HYDIN: variants seen among roughly 807,000 people sequenced by gnomAD.
HYDIN encodes the protein HYDIN axonemal central pair apparatus protein.
HYDIN carries 132 observed loss-of-function variants against 403.9 expected under a neutral mutation model. The observed-to-expected ratio is 0.33, with a 90% CI of 0.28 to 0.38. The LOEUF (loss-of-function observed/expected upper bound fraction) is 0.38, where lower values mean the gene tolerates loss of function less well. Ranked by LOEUF, HYDIN falls within the 10% of genes least tolerant of loss-of-function variation. The pLI is 1.00. For synonymous variants in HYDIN, 1,202 were observed against 1,891.7 expected, an observed-to-expected ratio of 0.64 and a Z score of 9.46; for missense variants, 2,827 against 5,009.5, an observed-to-expected ratio of 0.56 and a Z score of 13.15.
intron 53 of HYDIN, among the ~76,000 whole-genome samples, chr16:70,899,333 AT>A (rs764466893): frequency 2.4e-4 from 36 of 149,084 alleles, no homozygotes; most frequent in Admixed American, 8.1e-4. Flanking sequence ...CTTAAATCCA[AT>A]GATAAATATT....
intron 15 of HYDIN, chr16:71,066,996 G>T: frequency 1.5e-6 from 1 of 663,730 alleles, no homozygotes; most frequent in Non-Finnish European, 2.7e-6. Context: ...AAACCTTTCT[G>T]GTTACATACT....
In HYDIN at chr16:70,887,282, G is replaced by T. The variant is rs535578693; in HGVS notation, c.9774+2305C>A. Among the ~76,000 whole-genome samples, 5 of 152,292 alleles carry T rather than the reference G, an allele frequency of 3.3e-5. No individual in the cohort carries two copies. In the South Asian group the frequency reaches 1.0e-3, roughly 32 times the overall value. On this transcript the variant is annotated intron_variant, in intron 58 of 85. Coordinates refer to ENST00000393567, the MANE Select transcript of HYDIN (RefSeq NM_001270974.2). ...TACATTAAGAACCTTGAGATGAGGA[G>T]ATTATTCTGGATTATAATGGGCCCA...
At chr16:70,889,932 T>C (rs1392721470) in intron 57 of HYDIN, among the ~76,000 whole-genome samples, 1 of 152,250 alleles carries the variant, frequency 6.6e-6, no homozygotes, top group Admixed American at 6.5e-5. Flanking sequence ...ATATGATTTA[T>C]AGGGACACCG....
intron 44 of HYDIN, among the ~76,000 whole-genome samples, chr16:70,937,155 T>C (rs1364508504): frequency 1.3e-4 from 19 of 151,270 alleles, no homozygotes; most frequent in South Asian, 2.1e-4. Flanking sequence ...TGTGTGTGTG[T>C]GCGCGTGTGT....
At chr16:71,062,424 G>A in intron 16 of HYDIN, 91 bp from the exon 17 acceptor site, 1 of 1,080,756 alleles carries the variant, frequency 9.3e-7, no homozygotes, top group Non-Finnish European at 1.3e-6. Flanking sequence ...TGAGTCCGTA[G>A]AGGTGTTTTA....
At position 70,805,769 on chromosome 16, in the gene HYDIN, G is replaced by A. The variant is rs1382508456; in HGVS notation, c.*1811C>T. On this transcript the variant is annotated 3_prime_UTR_variant, in exon 86 of 86. Transcript: ENST00000393567. ...AGACCTATCAGTAGTGTCTTTAGAG[G>A]TTATAGAAATAAATTGTCTATTGAG... Among the ~76,000 whole-genome samples, 3 of 152,156 alleles carry A rather than the reference G, an allele frequency of 2.0e-5. No homozygotes were observed. The highest frequency in any genetic ancestry group is 4.8e-5 in the African/African-American group (2 of 41,422).
intron 18 of HYDIN, among the ~76,000 whole-genome samples, chr16:71,049,452 G>A (rs2081563677): frequency 6.6e-6 from 1 of 152,078 alleles, no homozygotes; most frequent in Admixed American, 6.6e-5. Context: ...CCCCATGGGA[G>A]GAGAAGCCCA....
At position 71,067,307 on chromosome 16, in the gene HYDIN, C is replaced by T. The variant is rs561667551; in HGVS notation, c.2058G>A (p.Ala686=). 1.5e-3 allele frequency: 2,435 copies of T among 1,611,304 alleles called. 66 individuals are homozygous for T. In the South Asian group the frequency reaches 0.025, roughly 17 times the overall value. ...DVEGIGEEVL[A]LLITARCVVP... ...AGCAATACCTTGCTGTAATTAAGAG[C>T]GCCAGCACCTCTTCTCCGATGCCCT... is the stretch of plus-strand genomic sequence containing the variant. Residue 686 remains alanine (A), a synonymous_variant, in exon 15 of 86, where the codon GCG becomes GCA. Coordinates refer to ENST00000393567, the MANE Select transcript of HYDIN (RefSeq NM_001270974.2).
intron 40 of HYDIN, among the ~76,000 whole-genome samples, chr16:70,954,486 AAAC>A (rs1370608929): frequency 1.3e-5 from 2 of 151,678 alleles, no homozygotes; most frequent in Admixed American, 1.3e-4. Context: ...GAAAGAAAGA[AAAC>A]AACCCCCCTC....
chr16:71,077,525 G>A (rs1597723861), intron 13 of HYDIN, among the ~76,000 whole-genome samples: 1 of 152,020 alleles, frequency 6.6e-6, no homozygotes, highest in African/African-American at 2.4e-5. Flanking sequence ...TCTAGGTAGA[G>A]AATAATACAT....
chr16:70,869,902 TTC>T (rs1313961031), intron 65 of HYDIN, among the ~76,000 whole-genome samples: 1 of 151,654 alleles, frequency 6.6e-6, no homozygotes, highest in African/African-American at 2.4e-5. Context: ...AGTTTGGAAC[TTC>T]TTAGAGACTT....
At chr16:70,960,918 CCT>C (rs2143950571) in intron 38 of HYDIN, among the ~76,000 whole-genome samples, 1 of 152,348 alleles carries the variant, frequency 6.6e-6, no homozygotes, top group South Asian at 2.1e-4. Context: ...GTCTCGAACT[CCT>C]GACCTCATGA....
chr16:70,822,046 T>C (rs1277292157), intron 83 of HYDIN, among the ~76,000 whole-genome samples: 4 of 152,232 alleles, frequency 2.6e-5, no homozygotes, highest in Admixed American at 6.5e-5. Context: ...AGCCCACAGA[T>C]GAAGGAGTCA....
At chr16:71,010,637 C>G (rs959825269) in intron 23 of HYDIN, among the ~76,000 whole-genome samples, 2 of 152,106 alleles carry the variant, frequency 1.3e-5, no homozygotes, top group Non-Finnish European at 2.9e-5. Context: ...AGCCACCCAG[C>G]AGGGTCACAT....
chr16:70,933,182 A>C (rs1358918723), intron 45 of HYDIN, among the ~76,000 whole-genome samples: 1 of 152,118 alleles, frequency 6.6e-6, no homozygotes, highest in Non-Finnish European at 1.5e-5. Context: ...ATGGGGAAGA[A>C]AGGAGAGCCC....
intron 1 of HYDIN, among the ~76,000 whole-genome samples, chr16:71,208,807 A>C (rs1247871463): frequency 2.6e-5 from 4 of 152,190 alleles, no homozygotes; most frequent in African/African-American, 7.2e-5. Context: ...GAAATGGATA[A>C]ATTTCTGGAT....
intron 11 of HYDIN, among the ~76,000 whole-genome samples, chr16:71,089,955 GGTCTGA>G (rs1271838764): frequency 8.0e-6 from 1 of 125,504 alleles, no homozygotes; most frequent in Admixed American, 8.8e-5. Context: ...AAGGGAATGG[GGTCTGA>G]GTGGAGGCAG....
intron 1 of HYDIN, among the ~76,000 whole-genome samples, chr16:71,227,881 A>G (rs150186285): frequency 0.03 from 4,638 of 152,072 alleles, 85 homozygotes; most frequent in Middle Eastern, 0.051. Context: ...GAACAAAGCC[A>G]GAGGCATCAC....
At chr16:71,058,558 C>T (rs1367677390) in intron 18 of HYDIN, among the ~76,000 whole-genome samples, 1 of 118,678 alleles carries the variant, frequency 8.4e-6, no homozygotes, top group African/African-American at 3.2e-5. Context: ...CTAACCTGCA[C>T]AATGTGCACA....
Sources: gnomAD v4.1 joint callset for allele counts (sites outside exome capture counted in the v4.1 genomes callset) on GRCh38, gnomAD v4.1.1 for gene constraint, MANE v1.5 for transcripts, NCBI Gene and HGNC (gene_info 2026-07-23, HGNC 2026-07-21) for gene names.